STARD13: variants seen among roughly 807,000 people sequenced by gnomAD.
STARD13 encodes StAR related lipid transfer domain containing 13, also known as stAR-related lipid transfer protein 13.
Under a neutral mutation model 106.4 loss-of-function variants are expected in STARD13, and 62 were observed. That is an observed-to-expected ratio of 0.58 (90% confidence interval 0.48 to 0.72). The LOEUF is 0.72. Among genes scored for constraint, STARD13 ranks in the 30% least tolerant of loss-of-function variants. The probability of loss-of-function intolerance (pLI) is 0.00; values close to 1 mark genes in which losing one functional copy is unlikely to be tolerated. For synonymous variants in STARD13, 565 were observed against 553.0 expected (o/e 1.02, Z -0.31); for missense variants, 1,387 against 1,424.0 (o/e 0.97, Z 0.42).
chr13:33,284,307 C>A (rs1006488603), intron 1 of STARD13, among the ~76,000 whole-genome samples: 1 of 152,082 alleles, frequency 6.6e-6, no homozygotes, highest in Non-Finnish European at 1.5e-5. Context: ...AAATGCTGCC[C>A]GCTAGAATAC....
the STARD13 span, among the ~76,000 whole-genome samples, chr13:33,410,277 G>T: frequency 6.6e-6 from 1 of 152,216 alleles, no homozygotes. Flanking sequence ...TGGTGTCACG[G>T]AAGATGCTAA....
intron 4 of STARD13, among the ~76,000 whole-genome samples, chr13:33,134,945 C>T (rs1216459078): frequency 6.6e-6 from 1 of 152,188 alleles, no homozygotes; most frequent in African/African-American, 2.4e-5. Flanking sequence ...TGTAATATGG[C>T]TACTGAACAA....
chr13:33,313,807 T>A (rs550736375), intron 1 of STARD13, among the ~76,000 whole-genome samples: 1 of 152,192 alleles, frequency 6.6e-6, no homozygotes, highest in Non-Finnish European at 1.5e-5. Flanking sequence ...GCTGACTGAC[T>A]TCATAGCTAC....
Position 33,129,962 on chromosome 13 carries a change from C to T in STARD13, c.715G>A (p.Val239Ile). ...SSSLPQPPRD[V>I]LNHPFHPKNE... ...TTGGGGTGGAAGGGGTGGTTGAGGA[C>T]ATCTCTGGGGGGCTGTGGGAGGCTG... The change falls in exon 5 of 14, where the codon GTC becomes ATC. Residue 239 changes from valine (V) to isoleucine (I), a missense_variant. Coordinates refer to ENST00000336934, the MANE Select transcript of STARD13 (RefSeq NM_178006.4). 1 of 1,613,374 alleles carries T rather than the reference C, an allele frequency of 6.2e-7. No homozygotes were observed. Among genetic ancestry groups the T allele is most frequent in the South Asian group, 1.1e-5 (1 of 91,026 alleles).
upstream of STARD13, among the ~76,000 whole-genome samples, chr13:33,353,610 G>A (rs969321769): frequency 7.9e-5 from 12 of 152,184 alleles, no homozygotes; most frequent in South Asian, 6.2e-4. Flanking sequence ...CTCCCTAGAC[G>A]ATTGCATTGT....
At chr13:33,471,695 C>T in the STARD13 span, among the ~76,000 whole-genome samples, 1 of 151,384 alleles carries the variant, frequency 6.6e-6, no homozygotes, top group Non-Finnish European at 1.5e-5. Flanking sequence ...ATTTCATGCC[C>T]ATCTGCAATG....
At chr13:33,412,507 T>C in the STARD13 span, among the ~76,000 whole-genome samples, 1 of 152,122 alleles carries the variant, frequency 6.6e-6, no homozygotes, top group East Asian at 1.9e-4. Context: ...GTGATCTAAA[T>C]ATACTAATTA....
At chr13:33,134,556 A>G (rs1198222084) in intron 4 of STARD13, among the ~76,000 whole-genome samples, 1 of 152,262 alleles carries the variant, frequency 6.6e-6, no homozygotes, top group Non-Finnish European at 1.5e-5. Context: ...TAAAGATGGT[A>G]TTAGGCTATT....
chr13:33,224,348 T>C (rs1281674268), intron 1 of STARD13, among the ~76,000 whole-genome samples: 1 of 152,100 alleles, frequency 6.6e-6, no homozygotes, highest in Non-Finnish European at 1.5e-5. Flanking sequence ...ATAAAGTCTG[T>C]ATTAGTCAGG....
At position 33,285,702 on chromosome 13, in the gene STARD13, A is replaced by G; in HGVS notation, c.-64T>C. On this transcript the variant is annotated 5_prime_UTR_variant, in exon 1 of 14. Transcript: ENST00000336934. Reference sequence around the variant, plus strand: ...GCTGTTGCCGTCTGTCTCCAGTCTCAGTCAAAGAGCAAGGCACCCAGCCCA... The same window carrying G: ...GCTGTTGCCGTCTGTCTCCAGTCTCGGTCAAAGAGCAAGGCACCCAGCCCA... 6.3e-7 allele frequency: 1 copy of G among 1,591,866 alleles called. No individual in the cohort carries two copies. Among genetic ancestry groups the G allele is most frequent in the South Asian group, 1.2e-5 (1 of 86,324 alleles).
At chr13:33,431,932 G>A in the STARD13 span, among the ~76,000 whole-genome samples, 2 of 152,172 alleles carry the variant, frequency 1.3e-5, no homozygotes, top group Non-Finnish European at 2.9e-5. Flanking sequence ...CTTGTGACTG[G>A]CACTCTGCTT....
At chr13:33,499,865 A>G in the STARD13 span, among the ~76,000 whole-genome samples, 1 of 150,010 alleles carries the variant, frequency 6.7e-6, no homozygotes, top group Admixed American at 6.7e-5. Flanking sequence ...TCTGGGCTGA[A>G]GCAATACTCC....
At chr13:33,372,613 G>T in the STARD13 span, among the ~76,000 whole-genome samples, 1 of 151,460 alleles carries the variant, frequency 6.6e-6, no homozygotes, top group Non-Finnish European at 1.5e-5. Flanking sequence ...TGAACCAACC[G>T]AATTCCCATT....
At chr13:33,513,680 T>A in the STARD13 span, among the ~76,000 whole-genome samples, 1 of 152,182 alleles carries the variant, frequency 6.6e-6, no homozygotes, top group Admixed American at 6.5e-5. Context: ...AGTTTAGATT[T>A]TTTTTCATGC....
chr13:33,475,531 G>A, the STARD13 span, among the ~76,000 whole-genome samples: 12 of 152,102 alleles, frequency 7.9e-5, no homozygotes, highest in African/African-American at 2.9e-4. Context: ...ATTTAAAACT[G>A]GATTGGTTTT....
chr13:33,317,771 T>C (rs1325362955), intron 1 of STARD13, among the ~76,000 whole-genome samples: 2 of 152,222 alleles, frequency 1.3e-5, no homozygotes, highest in African/African-American at 4.8e-5. Flanking sequence ...AAGTAAACTC[T>C]ATGAGAGCAC....
chr13:33,662,765 G>T, the STARD13 span, among the ~76,000 whole-genome samples: 7 of 152,178 alleles, frequency 4.6e-5, no homozygotes, highest in Non-Finnish European at 1.0e-4. Flanking sequence ...AATTTTTAAA[G>T]CTGACACCCA....
At chr13:33,609,422 T>C in the STARD13 span, among the ~76,000 whole-genome samples, 1 of 152,126 alleles carries the variant, frequency 6.6e-6, no homozygotes, top group African/African-American at 2.4e-5. Context: ...ATACAATTAA[T>C]CGGGTGCACT....
At chr13:33,655,505 C>T in the STARD13 span, among the ~76,000 whole-genome samples, 1 of 152,148 alleles carries the variant, frequency 6.6e-6, no homozygotes, top group Admixed American at 6.5e-5. Context: ...TCTCCCCTCC[C>T]AGTCCATTCC....
Sources: allele counts gnomAD v4.1 joint callset (sites outside exome capture counted in the v4.1 genomes callset), GRCh38; gene constraint gnomAD v4.1.1; transcripts MANE v1.5; gene names NCBI Gene and HGNC (gene_info 2026-07-23, HGNC 2026-07-21).